SLC1A2: variants seen among roughly 807,000 people sequenced by gnomAD.
The protein encoded by SLC1A2 is excitatory amino acid transporter 2.
In SLC1A2, 15 loss-of-function variants were observed where a neutral mutation model predicts 48.8. That is an observed-to-expected ratio of 0.31 (90% CI 0.21 to 0.47). The LOEUF (loss-of-function observed/expected upper bound fraction) is 0.47. Ranked by LOEUF, SLC1A2 falls within the 20% of genes least tolerant of loss-of-function variation. The probability of loss-of-function intolerance (pLI) is 0.99; values close to 1 mark genes in which losing one functional copy is unlikely to be tolerated. For missense variants in SLC1A2, 502 were observed against 730.5 expected (o/e 0.69, Z 3.61); for synonymous variants, 279 against 272.6 (o/e 1.02, Z -0.23).
chr11:35,369,375 T>C (rs1254033767), intron 1 of SLC1A2, among the ~76,000 whole-genome samples: 2 of 152,192 alleles, frequency 1.3e-5, no homozygotes, highest in Non-Finnish European at 2.9e-5. Flanking sequence ...TGTTGTAGGT[T>C]TCCATCCTCA....
intron 9 of SLC1A2, among the ~76,000 whole-genome samples, chr11:35,276,312 C>T (rs1850437115): frequency 6.6e-6 from 1 of 152,174 alleles, no homozygotes; most frequent in South Asian, 2.1e-4. Flanking sequence ...TGATCACACT[C>T]CTCCCTCCAT....
chr11:35,403,074 C>G (rs1855182125), intron 1 of SLC1A2, among the ~76,000 whole-genome samples: 1 of 152,206 alleles, frequency 6.6e-6, no homozygotes, highest in African/African-American at 2.4e-5. Context: ...TAACACAGTA[C>G]TGCTATTCCA....
chr11:35,274,435 T>C lies in SLC1A2; in HGVS notation c.1421+6432A>G, dbSNP rs556131162. ...ATAAGATGTAAAAAAGAGAATTCAG[T>C]GGAAGTGGGAAATCAAAGCAAAAGA... On this transcript the variant is annotated intron_variant, in intron 9 of 10. Coordinates refer to ENST00000278379, the MANE Select transcript of SLC1A2 (RefSeq NM_004171.4). Among the ~76,000 whole-genome samples, 24 of 152,150 alleles carry C rather than the reference T, an allele frequency of 1.6e-4. No individual in the cohort carries two copies. In the South Asian group the frequency reaches 4.8e-3, roughly 30 times the overall value.
chr11:35,343,235 G>A (rs1464140269), intron 1 of SLC1A2, among the ~76,000 whole-genome samples: 1 of 152,262 alleles, frequency 6.6e-6, no homozygotes, highest in Non-Finnish European at 1.5e-5. Flanking sequence ...AAAACAGGAT[G>A]TGGGACAAGC....
chr11:35,291,850 G>A (rs1271477272), intron 7 of SLC1A2: 1 of 166,128 alleles, frequency 6.0e-6, no homozygotes, highest in East Asian at 1.7e-4. Context: ...CTTTGTAAAA[G>A]CTGCTTCTCC....
rs114453279 is a variant in SLC1A2 at position 35,254,723 on chromosome 11, C to T, written c.*6171G>A. On this transcript the variant is annotated 3_prime_UTR_variant, in exon 11 of 11. Transcript: ENST00000278379. ...CTCCAGAGAAACTGAGGACCTGTTG[C>T]TACCCATTCTCTAGGTCAACTTCTG... The T allele has an allele frequency of 4.7e-4, 214 of 452,398 alleles. No homozygotes were observed. The highest frequency in any genetic ancestry group is 3.5e-3 in the African/African-American group (176 of 49,882). 28.0% of individuals were successfully genotyped at this position (452,398 alleles called of 1,614,324 possible).
intron 1 of SLC1A2, among the ~76,000 whole-genome samples, chr11:35,405,977 A>G (rs910792190): frequency 1.3e-4 from 20 of 152,236 alleles, no homozygotes; most frequent in African/African-American, 4.8e-4. Flanking sequence ...GAGGTAGACA[A>G]TTCAATTATA....
intron 1 of SLC1A2, among the ~76,000 whole-genome samples, chr11:35,352,999 C>T (rs187108988): frequency 1.4e-4 from 21 of 152,122 alleles, no homozygotes; most frequent in Admixed American, 5.9e-4. Flanking sequence ...ATTTCAAGAC[C>T]GACTTTGAAT....
chr11:35,406,122 A>G (rs933055259), intron 1 of SLC1A2, among the ~76,000 whole-genome samples: 3 of 152,280 alleles, frequency 2.0e-5, no homozygotes, highest in African/African-American at 2.4e-5. Context: ...ATGAGTTGCT[A>G]TGAGAGAGGT....
chr11:35,301,683 C>CA (rs759249183), intron 5 of SLC1A2, 38 bp from the exon 6 acceptor site: 5 of 1,599,230 alleles, frequency 3.1e-6, no homozygotes, highest in East Asian at 2.2e-5. Context: ...GGACAAATTA[C>CA]AAAAAATGTA....
chr11:35,377,694 A>G (rs1439639398), intron 1 of SLC1A2, among the ~76,000 whole-genome samples: 1 of 152,160 alleles, frequency 6.6e-6, no homozygotes, highest in Non-Finnish European at 1.5e-5. Flanking sequence ...CCTCCCAACA[A>G]CCCCTAAAAA....
intron 2 of SLC1A2, 108 bp from the exon 3 acceptor site, chr11:35,315,283 T>A: frequency 1.4e-6 from 1 of 738,126 alleles, no homozygotes; most frequent in Non-Finnish European, 2.3e-6. Context: ...TCTGCAGTAT[T>A]AAATGATGAA....
At chr11:35,269,593 G>T (rs115013620) in intron 9 of SLC1A2, among the ~76,000 whole-genome samples, 1 of 152,138 alleles carries the variant, frequency 6.6e-6, no homozygotes, top group Admixed American at 6.5e-5. Context: ...GTTTACAAAC[G>T]ACTGCTTCTT....
At chr11:35,326,913 G>A (rs1852269171) in intron 1 of SLC1A2, among the ~76,000 whole-genome samples, 1 of 151,972 alleles carries the variant, frequency 6.6e-6, no homozygotes, top group South Asian at 2.1e-4. Context: ...TTAGTATAAA[G>A]GAGATTCTCA....
intron 1 of SLC1A2, among the ~76,000 whole-genome samples, chr11:35,371,511 C>T (rs967581968): frequency 3.3e-5 from 5 of 152,192 alleles, no homozygotes; most frequent in African/African-American, 7.2e-5. Flanking sequence ...CCTGTGACTT[C>T]GTTTCCCTTA....
chr11:35,311,871 G>A (rs954733181), intron 4 of SLC1A2, among the ~76,000 whole-genome samples: 1 of 83,272 alleles, frequency 1.2e-5, no homozygotes, highest in Non-Finnish European at 2.3e-5. Context: ...ATAGATATAA[G>A]GAGAGAGAGA....
At chr11:35,311,254 G>T (rs1463240424) in intron 4 of SLC1A2, among the ~76,000 whole-genome samples, 1 of 152,038 alleles carries the variant, frequency 6.6e-6, no homozygotes, top group African/African-American at 2.4e-5. Context: ...CTGCCTCCCG[G>T]GCTCAAGCAA....
At chr11:35,334,280 C>T (rs527571976) in intron 1 of SLC1A2, among the ~76,000 whole-genome samples, 1 of 152,290 alleles carries the variant, frequency 6.6e-6, no homozygotes, top group South Asian at 2.1e-4. Context: ...ATTTCATGTG[C>T]ATACCTGCCT....
chr11:35,266,920 C>T (rs1025789259), intron 9 of SLC1A2, among the ~76,000 whole-genome samples: 5 of 152,306 alleles, frequency 3.3e-5, no homozygotes, highest in African/African-American at 2.4e-5. Flanking sequence ...TAGGAAAAGT[C>T]GGGCCTGGCT....
Sources: gnomAD v4.1 joint callset for allele counts (sites outside exome capture counted in the v4.1 genomes callset) on GRCh38, gnomAD v4.1.1 for gene constraint, MANE v1.5 for transcripts, NCBI Gene and HGNC (gene_info 2026-07-23, HGNC 2026-07-21) for gene names.